TRAPPC8: variants seen among roughly 807,000 people sequenced by gnomAD.
TRAPPC8 encodes the protein trafficking protein particle complex subunit 8.
TRAPPC8 carries 54 observed loss-of-function variants against 174.3 expected under a neutral mutation model. That is an observed-to-expected ratio of 0.31 (90% CI 0.25 to 0.39). The LOEUF is 0.39. Among genes scored for constraint, TRAPPC8 ranks in the 10% least tolerant of loss-of-function variants. TRAPPC8 has a pLI of 1.00. For synonymous variants in TRAPPC8, 630 were observed against 579.9 expected (o/e 1.09, Z -1.24); for missense variants, 1,531 against 1,699.1 (o/e 0.90, Z 1.74).
chr18:31,874,782 T>TA (rs2035061762), intron 12 of TRAPPC8, 78 bp from the exon 13 acceptor site: 1 of 1,199,284 alleles, frequency 8.3e-7, no homozygotes. Flanking sequence ...AACACACACA[T>TA]AGAAACAATT....
At chr18:31,929,200 A>AG (rs888052164) in intron 2 of TRAPPC8, among the ~76,000 whole-genome samples, 5 of 150,600 alleles carry the variant, frequency 3.3e-5, no homozygotes, top group Non-Finnish European at 5.9e-5. Context: ...TGAAAAAAAA[A>AG]AAAAGAAAAG....
intron 19 of TRAPPC8, among the ~76,000 whole-genome samples, chr18:31,863,051 CAAAA>C (rs35944569): frequency 6.2e-5 from 7 of 113,728 alleles, no homozygotes; most frequent in African/African-American, 6.8e-5. Context: ...GACTAGGTCT[CAAAA>C]AAAAAAAAAA....
intron 14 of TRAPPC8, among the ~76,000 whole-genome samples, chr18:31,872,843 T>C (rs1420196127): frequency 2.6e-5 from 4 of 152,168 alleles, no homozygotes; most frequent in Non-Finnish European, 5.9e-5. Context: ...ATGAAGATTA[T>C]ATAATAACAA....
intron 11 of TRAPPC8, chr18:31,895,915 A>G (rs2036166444): frequency 6.6e-6 from 1 of 152,252 alleles, no homozygotes; most frequent in Admixed American, 6.5e-5. Context: ...TAGACCTTAC[A>G]GAAACTTTTG....
At chr18:31,872,877 C>A (rs1170024976) in intron 14 of TRAPPC8, among the ~76,000 whole-genome samples, 1 of 152,018 alleles carries the variant, frequency 6.6e-6, no homozygotes, top group East Asian at 1.9e-4. Flanking sequence ...GTGAGAAAAG[C>A]TGTTGTAATT....
At chr18:31,900,462 T>C (rs897354210) in intron 10 of TRAPPC8, among the ~76,000 whole-genome samples, 1 of 152,216 alleles carries the variant, frequency 6.6e-6, no homozygotes, top group African/African-American at 2.4e-5. Context: ...ACCACCTTTC[T>C]TTCAAGGTCT....
At chr18:31,909,481 A>G (rs998270804) in intron 6 of TRAPPC8, 186 bp downstream of exon 6, 2 of 903,058 alleles carry the variant, frequency 2.2e-6, no homozygotes, top group African/African-American at 3.6e-5. Context: ...CATATAAAAC[A>G]AATTTTTAAG....
rs1260749478 is a variant in TRAPPC8 at position 31,890,808 on chromosome 18, A to G, written c.1655T>C (p.Met552Thr). ...LEQAAHCFIN[M>T]KSPMVRKYAF... ...ATATTTTCTAACCATGGGACTTTTC[A>G]TGTTTATAAAGCAATGTGCTGCCTG... Residue 552 changes from methionine (M) to threonine (T), a missense_variant, in exon 12 of 29, where the codon ATG becomes ACG. By Grantham distance (81) the Met-to-Thr change is moderately conservative. Transcript: ENST00000283351. 3.1e-6 allele frequency: 5 copies of G among 1,612,594 alleles called. No homozygotes were observed. The Admixed American group carries it at 8.4e-5, about 27-fold the overall frequency.
At chr18:31,866,796 A>C in intron 18 of TRAPPC8, 53 bp downstream of exon 18, 2 of 1,584,294 alleles carry the variant, frequency 1.3e-6, no homozygotes, top group South Asian at 2.3e-5. Flanking sequence ...ATTTTATTCT[A>C]TGGAGTGATT....
intron 19 of TRAPPC8, among the ~76,000 whole-genome samples, chr18:31,864,106 G>A (rs1189958601): frequency 1.3e-5 from 2 of 148,558 alleles, no homozygotes; most frequent in African/African-American, 2.5e-5. Context: ...TAATACTTTA[G>A]TATTACAGAA....
chr18:31,925,837 A>T (rs547704937), intron 2 of TRAPPC8, among the ~76,000 whole-genome samples: 38 of 152,178 alleles, frequency 2.5e-4, no homozygotes, highest in South Asian at 8.3e-4. Context: ...GAGGGAAATG[A>T]TTTATAACTA....
At chr18:31,851,183 T>C (rs1299828135) in intron 24 of TRAPPC8, among the ~76,000 whole-genome samples, 2 of 152,130 alleles carry the variant, frequency 1.3e-5, no homozygotes, top group African/African-American at 4.8e-5. Context: ...TATATGAACT[T>C]TTACACCCCA....
At chr18:31,852,738 T>C (rs1185909854) in intron 22 of TRAPPC8, 75 bp from the exon 23 acceptor site, 23 of 1,137,620 alleles carry the variant, frequency 2.0e-5, no homozygotes, top group Middle Eastern at 2.2e-4. Flanking sequence ...TTATTTAGAC[T>C]TCCTTGGTCA....
intron 12 of TRAPPC8, among the ~76,000 whole-genome samples, chr18:31,876,481 C>A (rs1227705372): frequency 1.9e-5 from 1 of 52,118 alleles, no homozygotes. Flanking sequence ...CACTGCGAGA[C>A]TCCATCTCAA....
intron 15 of TRAPPC8, 86 bp from the exon 16 acceptor site, chr18:31,870,588 C>T: frequency 7.2e-7 from 1 of 1,394,736 alleles, no homozygotes; most frequent in Non-Finnish European, 9.8e-7. Flanking sequence ...ATCTTGCTTT[C>T]ATAGCTCTGC....
intron 26 of TRAPPC8, among the ~76,000 whole-genome samples, chr18:31,845,464 G>GTT (rs879717982): frequency 4.8e-5 from 7 of 145,132 alleles, no homozygotes; most frequent in African/African-American, 1.5e-4. Flanking sequence ...TAATGTTGTA[G>GTT]TTTTTTTTTT....
At chr18:31,831,609 C>T (rs2032378341) in intron 28 of TRAPPC8, among the ~76,000 whole-genome samples, 1 of 152,046 alleles carries the variant, frequency 6.6e-6, no homozygotes, top group Admixed American at 6.6e-5. Context: ...TACATGAATG[C>T]TTTTAATATT....
At chr18:31,888,613 T>G (rs1005674887) in intron 12 of TRAPPC8, among the ~76,000 whole-genome samples, 1 of 152,202 alleles carries the variant, frequency 6.6e-6, no homozygotes. Context: ...TCATGTCCTT[T>G]GCAGGGACAT....
chr18:31,910,319 A>G (rs959973881), intron 5 of TRAPPC8, among the ~76,000 whole-genome samples: 1 of 152,194 alleles, frequency 6.6e-6, no homozygotes, highest in Non-Finnish European at 1.5e-5. Flanking sequence ...ACTACTCTAC[A>G]AGACCAGTAA....
Sources: allele counts gnomAD v4.1 joint callset (sites outside exome capture counted in the v4.1 genomes callset), GRCh38; gene constraint gnomAD v4.1.1; transcripts MANE v1.5; gene names NCBI Gene and HGNC (gene_info 2026-07-23, HGNC 2026-07-21).